Variants in NBEA observed in about 807,000 individuals in gnomAD.
NBEA encodes lysosomal-trafficking regulator 2.
Under a neutral mutation model 343.4 loss-of-function variants are expected in NBEA, and 44 were observed. That is an observed-to-expected ratio of 0.13 (90% CI 0.10 to 0.16). NBEA has a LOEUF of 0.16. NBEA is among the 10% of genes least tolerant of loss of function. The pLI is 1.00. For missense variants in NBEA, 2,555 were observed against 3,631.3 expected, an observed-to-expected ratio of 0.70 and a Z score of 7.62; for synonymous variants, 1,175 against 1,238.7, an observed-to-expected ratio of 0.95 and a Z score of 1.08.
intron 40 of NBEA, among the ~76,000 whole-genome samples, chr13:35,468,116 C>G (rs2075472941): frequency 1.4e-5 from 2 of 148,008 alleles, no homozygotes; most frequent in Non-Finnish European, 3.0e-5. Context: ...ACACCCCCCC[C>G]CCACTCCCCT....
At chr13:35,391,618 GT>G (rs964118172) in intron 38 of NBEA, among the ~76,000 whole-genome samples, 6 of 152,146 alleles carry the variant, frequency 3.9e-5, no homozygotes, top group Admixed American at 3.3e-4. Context: ...TTACATGGAT[GT>G]TTTTAGGTAA....
At position 35,488,145 on chromosome 13, in the gene NBEA, C is replaced by T. The variant is rs142793122; in HGVS notation, c.6585+15609C>T. ...ACTTGACTTATAATAATAAGTTATA[C>T]ATCATTATTTTAAGAATCAATAGGC... On this transcript the variant is annotated intron_variant, in intron 41 of 58. Transcript: ENST00000379939. 2.4e-4 allele frequency among the ~76,000 whole-genome samples: 36 copies of T among 151,852 alleles called. No individual in the cohort carries two copies. The East Asian group carries it at 3.5e-3, about 15-fold the overall frequency.
At chr13:35,524,728 ATAAC>A (rs1473644846) in intron 41 of NBEA, among the ~76,000 whole-genome samples, 2 of 152,230 alleles carry the variant, frequency 1.3e-5, no homozygotes, top group Non-Finnish European at 2.9e-5. Flanking sequence ...CATAAATTCT[ATAAC>A]TAAACTTACT....
chr13:35,381,309 C>T (rs1446683429), intron 38 of NBEA, among the ~76,000 whole-genome samples: 2 of 152,066 alleles, frequency 1.3e-5, no homozygotes, highest in Non-Finnish European at 2.9e-5. Flanking sequence ...TATGTCACAG[C>T]AGACTACTAT....
chr13:35,288,839 A>C (rs544165949), intron 34 of NBEA, among the ~76,000 whole-genome samples: 1 of 152,086 alleles, frequency 6.6e-6, no homozygotes, highest in Non-Finnish European at 1.5e-5. Context: ...CAGAATTCAA[A>C]TCTTTGAGTA....
chr13:35,226,621 T>C (rs2074665124), intron 33 of NBEA, among the ~76,000 whole-genome samples: 1 of 152,006 alleles, frequency 6.6e-6, no homozygotes, highest in African/African-American at 2.4e-5. Flanking sequence ...TTTATTTCAC[T>C]ATAGTTAAAT....
intron 11 of NBEA, among the ~76,000 whole-genome samples, chr13:35,101,550 T>C (rs1182425860): frequency 6.6e-6 from 1 of 151,914 alleles, no homozygotes; most frequent in East Asian, 1.9e-4. Context: ...ATAATTGTGA[T>C]ATGTGTCTTA....
chr13:35,482,720 ATTTT>A (rs2076167519), intron 41 of NBEA, among the ~76,000 whole-genome samples: 1 of 151,122 alleles, frequency 6.6e-6, no homozygotes, highest in Admixed American at 6.6e-5. Flanking sequence ...TGTGAAATTT[ATTTT>A]TTTAAGTTAG....
chr13:35,365,906 G>C (rs2041080890), intron 38 of NBEA, among the ~76,000 whole-genome samples: 1 of 151,548 alleles, frequency 6.6e-6, no homozygotes, highest in Non-Finnish European at 1.5e-5. Flanking sequence ...GTATGCATTA[G>C]ATTGTGGAGC....
chr13:35,319,347 G>A lies in NBEA; in HGVS notation c.5903+9755G>A, dbSNP rs150129680. ...AATTATTTATTTCAGCCTTCATTTC[G>A]TTATTTACCTGGTAGTCATTCAGGA... is the stretch of plus-strand genomic sequence containing the variant. On this transcript the variant is annotated intron_variant, in intron 36 of 58. Transcript: ENST00000379939. Among the ~76,000 whole-genome samples the A allele has an allele frequency of 6.9e-3, 1,043 of 152,144 alleles. 12 individuals are homozygous for A. The highest frequency in any genetic ancestry group is 0.024 in the African/African-American group (990 of 41,500).
chr13:35,490,832 A>G (rs555773675), intron 41 of NBEA, among the ~76,000 whole-genome samples: 1 of 152,012 alleles, frequency 6.6e-6, no homozygotes, highest in Non-Finnish European at 1.5e-5. Flanking sequence ...GAATTCAAGT[A>G]ACTCTTCCAA....
rs187244179 is a variant in NBEA at position 35,452,019 on chromosome 13, A to T, written c.6305-73A>T. ...CAGCATATAATTTAATAAAGCAATCAATTATTTATAATACCTACTATAAGC... is the reference window on the plus strand; with the variant it reads ...CAGCATATAATTTAATAAAGCAATCTATTATTTATAATACCTACTATAAGC... On this transcript the variant is annotated intron_variant, in intron 39 of 58. Transcript: ENST00000379939. The T allele has an allele frequency of 1.4e-4, 149 of 1,046,956 alleles. 1 individual carries two copies. In the African/African-American group the frequency reaches 2.2e-3, roughly 15 times the overall value. 64.9% of individuals were successfully genotyped at this position (1,046,956 alleles called of 1,614,324 possible).
chr13:35,628,463 C>A (rs2083318764), intron 49 of NBEA, among the ~76,000 whole-genome samples: 1 of 152,152 alleles, frequency 6.6e-6, no homozygotes, highest in African/African-American at 2.4e-5. Context: ...TTTAAATATA[C>A]TTCTATATCT....
chr13:35,308,309 T>C (rs2037036590), intron 35 of NBEA, among the ~76,000 whole-genome samples: 1 of 150,302 alleles, frequency 6.7e-6, no homozygotes, highest in African/African-American at 2.4e-5. Context: ...GGGGGAAAAA[T>C]CTATAGAGGA....
intron 1 of NBEA, among the ~76,000 whole-genome samples, chr13:35,001,144 A>G (rs566307353): frequency 4.1e-4 from 63 of 152,130 alleles, no homozygotes; most frequent in Non-Finnish European, 8.4e-4. Flanking sequence ...TATTAAAAAT[A>G]ATAACTAGGG....
chr13:35,305,082 G>C (rs1566592364), intron 35 of NBEA, among the ~76,000 whole-genome samples: 1 of 152,268 alleles, frequency 6.6e-6, no homozygotes, highest in Admixed American at 6.5e-5. Flanking sequence ...AAGTGTGTCA[G>C]TGTTTCTTGT....
chr13:35,288,315 C>T (rs115864903), intron 34 of NBEA, among the ~76,000 whole-genome samples: 1,578 of 151,940 alleles, frequency 0.01, 23 homozygotes, highest in African/African-American at 0.035. Context: ...ATAGGTCTTT[C>T]AAATTTGCCT....
chr13:35,295,220 CAA>C (rs1476463509), intron 35 of NBEA, among the ~76,000 whole-genome samples: 7 of 150,246 alleles, frequency 4.7e-5, no homozygotes, highest in African/African-American at 1.7e-4. Flanking sequence ...ATACCTTCCT[CAA>C]GAGTATTTTT....
intron 27 of NBEA, 104 bp from the exon 28 acceptor site, chr13:35,176,892 G>T (rs892818146): frequency 1.9e-4 from 133 of 682,710 alleles, no homozygotes; most frequent in Non-Finnish European, 2.8e-5. Flanking sequence ...AACTCAGAGA[G>T]GTGGAGATAC....
Sources: gnomAD v4.1 joint callset for allele counts (sites outside exome capture counted in the v4.1 genomes callset) on GRCh38, gnomAD v4.1.1 for gene constraint, MANE v1.5 for transcripts, NCBI Gene and HGNC (gene_info 2026-07-23, HGNC 2026-07-21) for gene names.